CNTLN: variants seen among roughly 807,000 people sequenced by gnomAD.
CNTLN encodes the protein centlein, also known as centlein, centrosomal protein.
In CNTLN, 212 loss-of-function variants were observed where a neutral mutation model predicts 180.0. The observed-to-expected ratio is 1.18, with a 90% CI of 1.05 to 1.32. The LOEUF (loss-of-function observed/expected upper bound fraction) is 1.32, where lower values mean the gene tolerates loss of function less well. CNTLN is among the 40% of genes most tolerant of loss of function. The pLI is 0.00. For missense variants in CNTLN, 2,095 were observed against 1,610.9 expected, an observed-to-expected ratio of 1.30 and a Z score of -5.14; for synonymous variants, 722 against 563.1, an observed-to-expected ratio of 1.28 and a Z score of -3.99.
intron 2 of CNTLN, among the ~76,000 whole-genome samples, chr9:17,216,719 C>G (rs192155462): frequency 3.3e-5 from 5 of 152,266 alleles, no homozygotes; most frequent in Admixed American, 2.0e-4. Context: ...CTGGGACCAC[C>G]TCCCTCCTGC....
chr9:17,374,630 T>G (rs1159083440), intron 13 of CNTLN, among the ~76,000 whole-genome samples: 1 of 151,890 alleles, frequency 6.6e-6, no homozygotes, highest in Non-Finnish European at 1.5e-5. Flanking sequence ...GAGGCTGAGG[T>G]GGGTGGATCG....
chr9:17,279,932 A>G (rs1169225481), intron 6 of CNTLN, among the ~76,000 whole-genome samples: 1 of 152,118 alleles, frequency 6.6e-6, no homozygotes, highest in East Asian at 1.9e-4. Context: ...GCCTTATAAG[A>G]CGAAGAGAGA....
chr9:17,293,994 C>T (rs1000717251), intron 6 of CNTLN, among the ~76,000 whole-genome samples: 2 of 152,150 alleles, frequency 1.3e-5, no homozygotes, highest in African/African-American at 2.4e-5. Context: ...AATGAAGCCA[C>T]GGACCCTTGC....
downstream of CNTLN, among the ~76,000 whole-genome samples, chr9:17,508,156 C>T (rs1833966597): frequency 6.6e-6 from 1 of 152,130 alleles, no homozygotes; most frequent in South Asian, 2.1e-4. Context: ...TGACACTCTC[C>T]TCATGAATTC....
chr9:17,449,365 C>T (rs995126604), intron 18 of CNTLN, among the ~76,000 whole-genome samples: 11 of 149,108 alleles, frequency 7.4e-5, no homozygotes, highest in East Asian at 2.1e-4. Context: ...TGAGAACATG[C>T]GGTGTTTGGT....
At chr9:17,241,136 G>T (rs1825465714) in intron 5 of CNTLN, among the ~76,000 whole-genome samples, 1 of 152,182 alleles carries the variant, frequency 6.6e-6, no homozygotes, top group South Asian at 2.1e-4. Flanking sequence ...GGGATTACAG[G>T]CGTGAGCCAC....
At chr9:17,172,590 G>T (rs1820486777) in intron 2 of CNTLN, among the ~76,000 whole-genome samples, 1 of 151,974 alleles carries the variant, frequency 6.6e-6, no homozygotes, top group African/African-American at 2.4e-5. Context: ...GCTGTATACT[G>T]CCTTTAAATA....
rs755582315 is a variant in CNTLN at position 17,226,298 on chromosome 9, T to C, written c.534+11T>C. ...CAAGAATTTGAACAGGTTGGTGTTA[T>C]AATAAAAATATTTAAATTAACTATA... On this transcript the variant is annotated intron_variant, in intron 3 of 25. Transcript: ENST00000380647. The C allele has an allele frequency of 7.7e-6, 11 of 1,427,542 alleles. No individual in the cohort carries two copies. The highest frequency in any genetic ancestry group is 4.4e-5 in the African/African-American group (3 of 67,646). The allele number at this position is 1,427,542 out of a possible 1,614,324, so 88.4% of individuals were successfully genotyped here.
intron 23 of CNTLN, among the ~76,000 whole-genome samples, chr9:17,478,820 A>G (rs191573953): frequency 2.0e-5 from 3 of 152,182 alleles, no homozygotes; most frequent in Admixed American, 2.0e-4. Flanking sequence ...ATTCTGTTCC[A>G]TTGGTCTATG....
chr9:17,409,313 C>A lies in CNTLN; in HGVS notation c.2636C>A (p.Thr879Asn), dbSNP rs761753066. ...AAAAGCAGTGATTCTGAAGCACAGA[C>A]CTCTCAAACTTTGGGAACAATTATT... ...SESSSDSEAQ[T>N]SQTLGTIIVE... is the part of the protein sequence containing the mutation. The change falls in exon 16 of 26, where the codon ACC (threonine) becomes AAC (asparagine). Residue 879 changes from threonine to asparagine, a missense_variant. Physicochemically the swap from Thr to Asn is moderately conservative, Grantham distance 65. Transcript: ENST00000380647. 7 of 1,612,352 alleles carry A rather than the reference C, an allele frequency of 4.3e-6. No individual in the cohort carries two copies. In the Admixed American group the frequency reaches 6.7e-5, roughly 15 times the overall value.
At chr9:17,436,707 A>G (rs1044749665) in intron 18 of CNTLN, among the ~76,000 whole-genome samples, 1 of 152,248 alleles carries the variant, frequency 6.6e-6, no homozygotes, top group African/African-American at 2.4e-5. Context: ...ATTTATTTAC[A>G]GAATTCTTAT....
At chr9:17,218,581 T>A (rs1823920481) in intron 2 of CNTLN, among the ~76,000 whole-genome samples, 6 of 152,176 alleles carry the variant, frequency 3.9e-5, no homozygotes, top group Admixed American at 3.9e-4. Flanking sequence ...TTTTAGAATC[T>A]TAGTGTTTAC....
chr9:17,428,716 C>A (rs1829239316), intron 18 of CNTLN, among the ~76,000 whole-genome samples: 1 of 151,930 alleles, frequency 6.6e-6, no homozygotes, highest in South Asian at 2.1e-4. Flanking sequence ...TGTTTTAGAT[C>A]TTTTGCTCAT....
At chr9:17,431,843 C>G (rs1347067347) in intron 18 of CNTLN, among the ~76,000 whole-genome samples, 4 of 152,106 alleles carry the variant, frequency 2.6e-5, no homozygotes, top group Non-Finnish European at 5.9e-5. Flanking sequence ...AACACATTTT[C>G]TAAGTGATTA....
At chr9:17,307,418 G>A (rs972705052) in intron 7 of CNTLN, among the ~76,000 whole-genome samples, 1 of 151,958 alleles carries the variant, frequency 6.6e-6, no homozygotes, top group African/African-American at 2.4e-5. Flanking sequence ...ACAGGTGCAT[G>A]CTACCACGCC....
intron 7 of CNTLN, among the ~76,000 whole-genome samples, chr9:17,304,806 T>G (rs1048880538): frequency 1.3e-5 from 2 of 152,140 alleles, no homozygotes; most frequent in African/African-American, 2.4e-5. Flanking sequence ...TTCCATCTCA[T>G]TCTTATAAGT....
intron 10 of CNTLN, among the ~76,000 whole-genome samples, chr9:17,336,569 T>A (rs191366461): frequency 6.0e-4 from 92 of 152,322 alleles, no homozygotes; most frequent in African/African-American, 2.1e-3. Context: ...ATCAAATGAT[T>A]TGCAAATAAT....
intron 8 of CNTLN, among the ~76,000 whole-genome samples, chr9:17,309,639 G>A (rs1397737618): frequency 6.8e-6 from 1 of 146,636 alleles, no homozygotes; most frequent in Non-Finnish European, 1.5e-5. Context: ...TCGGTACTCA[G>A]TATCCAATAG....
chr9:17,481,870 C>A (rs1241680995), intron 23 of CNTLN, among the ~76,000 whole-genome samples: 1 of 152,232 alleles, frequency 6.6e-6, no homozygotes, highest in African/African-American at 2.4e-5. Context: ...GAGAACCTGA[C>A]AGCAAGTACT....
Sources: gnomAD v4.1 joint callset for allele counts (sites outside exome capture counted in the v4.1 genomes callset) on GRCh38, gnomAD v4.1.1 for gene constraint, MANE v1.5 for transcripts, NCBI Gene and HGNC (gene_info 2026-07-23, HGNC 2026-07-21) for gene names.